Variants in CFAP77 observed in about 807,000 individuals in gnomAD.
CFAP77 encodes the protein cilia- and flagella-associated protein 77.
Under a neutral mutation model 31.1 loss-of-function variants are expected in CFAP77, and 25 were observed. That is an observed-to-expected ratio of 0.80 (90% confidence interval 0.59 to 1.12). CFAP77 has a LOEUF of 1.12. Among genes scored for constraint, CFAP77 ranks in the 50% most tolerant of loss-of-function variants. CFAP77 has a pLI of 0.00. For missense variants in CFAP77, 377 were observed against 397.3 expected, an observed-to-expected ratio of 0.95 and a Z score of 0.44; for synonymous variants, 151 against 159.9, an observed-to-expected ratio of 0.94 and a Z score of 0.42.
At chr9:132,516,594 C>T (rs1852151462) in intron 3 of CFAP77, among the ~76,000 whole-genome samples, 1 of 151,038 alleles carries the variant, frequency 6.6e-6, no homozygotes, top group Non-Finnish European at 1.5e-5. Context: ...CAGAAATACA[C>T]ACACACACAC....
intron 5 of CFAP77, among the ~76,000 whole-genome samples, chr9:132,567,655 G>A (rs188913368): frequency 1.3e-5 from 2 of 152,286 alleles, no homozygotes; most frequent in Admixed American, 1.3e-4. Flanking sequence ...AACCTTGGTG[G>A]CTTAAAACCA....
At position 132,539,116 on chromosome 9, in the gene CFAP77, AAAT is replaced by A. The variant is rs1456596999; in HGVS notation, c.630+1413_630+1415del. On this transcript the variant is annotated intron_variant, in intron 4 of 5. Coordinates refer to ENST00000393216, the MANE Select transcript of CFAP77 (RefSeq NM_001282957.2). The surrounding 1 kb of genome is among the most constrained non-coding windows in gnomAD (Gnocchi z 4.3). ...AAAAAATAAATAAATAAAAATAAAT[AAAT>A]AAAATAGTACTTCCTTTAAAATATT... Among the ~76,000 whole-genome samples, 1 of 152,176 alleles carries A rather than the reference AAAT, an allele frequency of 6.6e-6. No individual in the cohort carries two copies. The highest frequency in any genetic ancestry group is 1.5e-5 in the Non-Finnish European group (1 of 68,026).
Position 132,542,989 on chromosome 9 carries a change from GGAAGTACAAGCCGCCCGT to G in CFAP77, c.679_696del (p.Tyr227_Lys232del). 1 of 1,614,152 alleles carries G rather than the reference GGAAGTACAAGCCGCCCGT, an allele frequency of 6.2e-7. No homozygotes were observed. Among genetic ancestry groups the G allele is most frequent in the Non-Finnish European group, 8.5e-7 (1 of 1,180,022 alleles). On this transcript the variant is annotated inframe_deletion, in exon 5 of 6. Transcript: ENST00000393216. ...TATGAGACCCGGAGCAGTCAGCTGA[GGAAGTACAAGCCGCCCGT>G]GAAGCTGGACACCCTCTGGCACATG...
chr9:132,555,372 C>T (rs1216886449), intron 5 of CFAP77, among the ~76,000 whole-genome samples: 1 of 152,144 alleles, frequency 6.6e-6, no homozygotes, highest in Non-Finnish European at 1.5e-5. Context: ...TGAGTGTGTC[C>T]CCAGCTTCCC....
At chr9:132,437,503 ATTTT>A (rs763301010) in intron 1 of CFAP77, among the ~76,000 whole-genome samples, 1 of 90,466 alleles carries the variant, frequency 1.1e-5, no homozygotes, top group African/African-American at 4.6e-5. Context: ...CCACTTTTGC[ATTTT>A]TTTTTTTTTT....
At chr9:132,486,966 G>A (rs1381196182) in intron 1 of CFAP77, among the ~76,000 whole-genome samples, 2 of 152,252 alleles carry the variant, frequency 1.3e-5, no homozygotes, top group Non-Finnish European at 2.9e-5. Flanking sequence ...CGGGGAGCGG[G>A]GACCAGGCAG....
intron 3 of CFAP77, among the ~76,000 whole-genome samples, chr9:132,520,458 C>T (rs1288379325): frequency 6.6e-6 from 1 of 152,032 alleles, no homozygotes; most frequent in Non-Finnish European, 1.5e-5. Flanking sequence ...CCAGCCTGGG[C>T]AACATAGTGA....
At chr9:132,500,861 G>A (rs568937231) in intron 3 of CFAP77, among the ~76,000 whole-genome samples, 4 of 152,340 alleles carry the variant, frequency 2.6e-5, no homozygotes, top group East Asian at 3.9e-4. Context: ...CAGGCCACAC[G>A]CAAGTAGGGA....
chr9:132,412,771 G>C (rs532288623), intron 1 of CFAP77, among the ~76,000 whole-genome samples: 16 of 152,186 alleles, frequency 1.1e-4, no homozygotes, highest in African/African-American at 3.4e-4. Flanking sequence ...AACAACTTTG[G>C]TGTTTTTGAC....
chr9:132,511,383 T>C lies in CFAP77; in HGVS notation c.524+11783T>C, dbSNP rs960476643. ...CGTCCTTCAGACACTCCTGTGTCTCTTGCCTGGAGAGGCCACCCTGTGTGG... is the reference window on the plus strand; with the variant it reads ...CGTCCTTCAGACACTCCTGTGTCTCCTGCCTGGAGAGGCCACCCTGTGTGG... On this transcript the variant is annotated intron_variant, in intron 3 of 5. Coordinates refer to ENST00000393216, the MANE Select transcript of CFAP77 (RefSeq NM_001282957.2). The surrounding 1 kb of genome is among the most constrained non-coding windows in gnomAD (Gnocchi z 5.8). 2.0e-5 allele frequency among the ~76,000 whole-genome samples: 3 copies of C among 152,210 alleles called. No individual in the cohort carries two copies. Among genetic ancestry groups the C allele is most frequent in the Admixed American group, 6.5e-5 (1 of 15,282 alleles).
At chr9:132,543,832 T>G (rs1422869631) in intron 5 of CFAP77, among the ~76,000 whole-genome samples, 2 of 152,126 alleles carry the variant, frequency 1.3e-5, no homozygotes, top group African/African-American at 2.4e-5. Context: ...CAGACAGGGA[T>G]TCATCTTCAA....
At chr9:132,452,596 T>C (rs1248803584) in intron 1 of CFAP77, among the ~76,000 whole-genome samples, 1 of 152,204 alleles carries the variant, frequency 6.6e-6, no homozygotes, top group Non-Finnish European at 1.5e-5. Flanking sequence ...GAGAGAGCTA[T>C]TGAACTGCCA....
chr9:132,505,512 G>T (rs1851917313), intron 3 of CFAP77, among the ~76,000 whole-genome samples: 1 of 151,960 alleles, frequency 6.6e-6, no homozygotes, highest in Non-Finnish European at 1.5e-5. Flanking sequence ...GGCAGACTGG[G>T]GGCCGTGTAG....
intron 5 of CFAP77, among the ~76,000 whole-genome samples, chr9:132,560,714 C>T (rs951163641): frequency 1.3e-5 from 2 of 152,132 alleles, no homozygotes; most frequent in African/African-American, 4.8e-5. Context: ...GGGCCGGTGT[C>T]GTATCCTTCC....
At chr9:132,541,699 C>G (rs147767218) in intron 4 of CFAP77, among the ~76,000 whole-genome samples, 7 of 152,108 alleles carry the variant, frequency 4.6e-5, no homozygotes, top group African/African-American at 1.4e-4. Flanking sequence ...AGTGACACTC[C>G]GTCTCAAAAC....
intron 1 of CFAP77, among the ~76,000 whole-genome samples, chr9:132,472,842 G>A (rs1353552377): frequency 6.6e-6 from 1 of 152,174 alleles, no homozygotes; most frequent in East Asian, 1.9e-4. Flanking sequence ...CTCTGGGAAA[G>A]CATTTGTATT....
intron 5 of CFAP77, among the ~76,000 whole-genome samples, chr9:132,568,984 G>T (rs747047507): frequency 1.3e-5 from 2 of 152,196 alleles, no homozygotes; most frequent in Non-Finnish European, 2.9e-5. Flanking sequence ...ACAGGTGTGA[G>T]TCACCTTGTC....
At chr9:132,562,430 C>T (rs942519835) in intron 5 of CFAP77, among the ~76,000 whole-genome samples, 5 of 152,210 alleles carry the variant, frequency 3.3e-5, no homozygotes, top group Non-Finnish European at 7.3e-5. Context: ...AGCAGATTCA[C>T]ACATATGCTG....
intron 1 of CFAP77, among the ~76,000 whole-genome samples, chr9:132,449,701 C>T (rs1014889299): frequency 3.3e-5 from 5 of 152,148 alleles, no homozygotes; most frequent in East Asian, 1.9e-4. Context: ...TACCCAGGAA[C>T]GGGATTGTGG....
Sources: allele counts gnomAD v4.1 joint callset (sites outside exome capture counted in the v4.1 genomes callset), GRCh38; gene constraint gnomAD v4.1.1; non-coding constraint Gnocchi (gnomAD v3.1); transcripts MANE v1.5; gene names NCBI Gene and HGNC (gene_info 2026-07-23, HGNC 2026-07-21).